The following UNC5D variants were observed in gnomAD, a reference collection of about 807,000 sequenced individuals.
The protein encoded by UNC5D is netrin receptor UNC5D.
In UNC5D, 39 loss-of-function variants were observed where a neutral mutation model predicts 105.4. That is an observed-to-expected ratio of 0.37 (90% CI 0.29 to 0.48). The LOEUF (loss-of-function observed/expected upper bound fraction) is 0.48, where lower values mean the gene tolerates loss of function less well. Among genes scored for constraint, UNC5D ranks in the 20% least tolerant of loss-of-function variants. The pLI, the probability that UNC5D is intolerant of heterozygous loss-of-function variation, is 0.98. For missense variants in UNC5D, 991 were observed against 1,202.4 expected, an observed-to-expected ratio of 0.82 and a Z score of 2.60; for synonymous variants, 452 against 450.4, an observed-to-expected ratio of 1.00 and a Z score of -0.04.
intron 4 of UNC5D, among the ~76,000 whole-genome samples, chr8:35,596,236 A>G (rs985627586): frequency 6.6e-6 from 1 of 152,086 alleles, no homozygotes; most frequent in Non-Finnish European, 1.5e-5. Context: ...CCAGAGTCAC[A>G]ATGTTTTTTG....
At chr8:35,630,919 G>A (rs1382021265) in intron 4 of UNC5D, among the ~76,000 whole-genome samples, 1 of 152,172 alleles carries the variant, frequency 6.6e-6, no homozygotes, top group Admixed American at 6.5e-5. Context: ...TGAGCACAGT[G>A]ATCATCATTT....
At chr8:35,575,870 C>G (rs536823092) in intron 3 of UNC5D, among the ~76,000 whole-genome samples, 2 of 152,144 alleles carry the variant, frequency 1.3e-5, no homozygotes, top group Admixed American at 1.3e-4. Flanking sequence ...GTAATCGCAT[C>G]TAGCCCGGTA....
chr8:35,542,392 T>C (rs773844156), intron 1 of UNC5D, among the ~76,000 whole-genome samples: 15 of 152,202 alleles, frequency 9.9e-5, no homozygotes, highest in Admixed American at 3.3e-4. Context: ...GGCTTTCTGC[T>C]CTGACTTGCA....
intron 1 of UNC5D, among the ~76,000 whole-genome samples, chr8:35,355,768 G>T (rs1331371663): frequency 6.6e-6 from 1 of 152,118 alleles, no homozygotes; most frequent in African/African-American, 2.4e-5. Flanking sequence ...ATTATAAAAG[G>T]TCATGAGTGA....
At chr8:35,644,136 C>T (rs1586323307) in intron 4 of UNC5D, among the ~76,000 whole-genome samples, 1 of 152,090 alleles carries the variant, frequency 6.6e-6, no homozygotes, top group South Asian at 2.1e-4. Context: ...TAATTGCTAA[C>T]AAATAGTAAT....
At chr8:35,384,242 T>G (rs926724229) in intron 1 of UNC5D, among the ~76,000 whole-genome samples, 1 of 151,288 alleles carries the variant, frequency 6.6e-6, no homozygotes, top group Non-Finnish European at 1.5e-5. Context: ...AAAAAAAAAC[T>G]AACATTTAAA....
intron 1 of UNC5D, among the ~76,000 whole-genome samples, chr8:35,529,923 T>C (rs1355546833): frequency 6.6e-6 from 1 of 150,484 alleles, no homozygotes; most frequent in Non-Finnish European, 1.5e-5. Context: ...TGAAGTTGCT[T>C]ATCAGCTTAA....
intron 4 of UNC5D, among the ~76,000 whole-genome samples, chr8:35,612,723 CTTTTTTTT>C (rs57450378): frequency 1.5e-5 from 1 of 64,742 alleles, no homozygotes; most frequent in African/African-American, 7.1e-5. Flanking sequence ...AATGTTTTGC[CTTTTTTTT>C]TTTTTTTTTT....
At chr8:35,401,024 A>C (rs1020738028) in intron 1 of UNC5D, among the ~76,000 whole-genome samples, 4 of 152,182 alleles carry the variant, frequency 2.6e-5, no homozygotes, top group Non-Finnish European at 5.9e-5. Flanking sequence ...CTATTACTAA[A>C]ATTACCAGAA....
chr8:35,249,522 C>A (rs1257714807), intron 1 of UNC5D, among the ~76,000 whole-genome samples: 1 of 150,402 alleles, frequency 6.6e-6, no homozygotes, highest in Non-Finnish European at 1.5e-5. Context: ...TGCACCACTG[C>A]ACTCCAGTCT....
intron 1 of UNC5D, among the ~76,000 whole-genome samples, chr8:35,329,665 A>T (rs1810458666): frequency 6.6e-6 from 1 of 152,116 alleles, no homozygotes; most frequent in African/African-American, 2.4e-5. Context: ...GTTTAAAAAA[A>T]ATTAAGAAAA....
chr8:35,402,757 T>A (rs1456824138), intron 1 of UNC5D, among the ~76,000 whole-genome samples: 2 of 152,172 alleles, frequency 1.3e-5, no homozygotes, highest in Admixed American at 6.5e-5. Flanking sequence ...TGACCATCCT[T>A]ACTAACCTTA....
In UNC5D at chr8:35,508,000, T is replaced by C. The variant is rs569584586; in HGVS notation, c.104-41292T>C. On this transcript the variant is annotated intron_variant, in intron 1 of 16. Transcript: ENST00000404895. Reference sequence around the variant, plus strand: ...GTAGGTTGCAAGGGCTGTGGTTTAGTTGGGACCATGCTGGACCTGGAGTTG... The same window carrying C: ...GTAGGTTGCAAGGGCTGTGGTTTAGCTGGGACCATGCTGGACCTGGAGTTG... 8.5e-5 allele frequency among the ~76,000 whole-genome samples: 13 copies of C among 152,292 alleles called. No individual in the cohort carries two copies. The South Asian group carries it at 2.7e-3, about 32-fold the overall frequency.
At chr8:35,657,080 GTATATATATATATA>G (rs3077002) in intron 4 of UNC5D, among the ~76,000 whole-genome samples, 142 of 46,516 alleles carry the variant, frequency 3.1e-3, no homozygotes, top group African/African-American at 0.015. Context: ...GTGTGTGTGT[GTATATATATATATA>G]TATATATATA....
At chr8:35,668,657 G>T (rs1291655227) in intron 4 of UNC5D, among the ~76,000 whole-genome samples, 3 of 152,036 alleles carry the variant, frequency 2.0e-5, no homozygotes, top group Non-Finnish European at 4.4e-5. Flanking sequence ...TTTTTCAAGA[G>T]GACAGTTGAC....
chr8:35,240,092 C>G (rs1206581256), intron 1 of UNC5D, among the ~76,000 whole-genome samples: 1 of 152,052 alleles, frequency 6.6e-6, no homozygotes, highest in East Asian at 1.9e-4. Context: ...TGCATCATCA[C>G]ACCCGGCTCA....
At chr8:35,360,264 A>G (rs1010792189) in intron 1 of UNC5D, among the ~76,000 whole-genome samples, 3 of 152,152 alleles carry the variant, frequency 2.0e-5, no homozygotes, top group Non-Finnish European at 2.9e-5. Context: ...TTCCTTTTAC[A>G]TACAAATGTG....
At chr8:35,787,039 A>G (rs764849755) in intron 16 of UNC5D, among the ~76,000 whole-genome samples, 1 of 152,176 alleles carries the variant, frequency 6.6e-6, no homozygotes, top group Admixed American at 6.5e-5. Flanking sequence ...CACTTAACAT[A>G]TTGTTTCTGT....
chr8:35,591,976 C>A (rs943538086), intron 3 of UNC5D, among the ~76,000 whole-genome samples: 1 of 152,186 alleles, frequency 6.6e-6, no homozygotes, highest in Non-Finnish European at 1.5e-5. Context: ...AATGTTCCTG[C>A]GGTTTCCCCT....
Sources: allele counts gnomAD v4.1 joint callset (sites outside exome capture counted in the v4.1 genomes callset), GRCh38; gene constraint gnomAD v4.1.1; transcripts MANE v1.5; gene names NCBI Gene and HGNC (gene_info 2026-07-23, HGNC 2026-07-21).